MIOS: variants seen among roughly 807,000 people sequenced by gnomAD.
The protein encoded by MIOS is GATOR2 complex protein MIOS.
A neutral mutation model predicts 96.9 loss-of-function variants in MIOS; 52 were observed. That is an observed-to-expected ratio of 0.54 (90% CI 0.43 to 0.68). The LOEUF is 0.68. Ranked by LOEUF, MIOS falls within the 30% of genes least tolerant of loss-of-function variation. The probability of loss-of-function intolerance (pLI) is 0.00; values close to 1 mark genes in which losing one functional copy is unlikely to be tolerated. For synonymous variants in MIOS, 397 were observed against 359.5 expected, an observed-to-expected ratio of 1.10 and a Z score of -1.18; for missense variants, 1,005 against 1,052.8, an observed-to-expected ratio of 0.95 and a Z score of 0.63.
chr7:7,593,878 C>CAAA (rs1784119455), intron 9 of MIOS, among the ~76,000 whole-genome samples: 1 of 71,968 alleles, frequency 1.4e-5, no homozygotes, highest in Non-Finnish European at 2.5e-5. Flanking sequence ...GACTCTGTCT[C>CAAA]CAAAAAAAAA....
At chr7:7,582,727 A>T (rs546235132) in intron 5 of MIOS, 12 of 516,244 alleles carry the variant, frequency 2.3e-5, no homozygotes, top group South Asian at 1.6e-4. Flanking sequence ...TTTGGAGCTT[A>T]TGCGCTACTG....
At chr7:7,606,096 T>G in intron 12 of MIOS, 25 bp downstream of exon 12, 1 of 1,612,748 alleles carries the variant, frequency 6.2e-7, no homozygotes, top group Non-Finnish European at 8.5e-7. Context: ...TCTTCTTTGA[T>G]AGGCTTGGAG....
chr7:7,574,064 A>C (rs1409189893), intron 4 of MIOS, 34 bp from the exon 5 acceptor site: 1 of 1,431,806 alleles, frequency 7.0e-7, no homozygotes, highest in Admixed American at 1.9e-5. Flanking sequence ...ATATATTGTC[A>C]TGCATCACTA....
rs760160755 is a variant in MIOS at position 7,573,486 on chromosome 7, A to G, written c.1011A>G (p.Arg337=). 1.2e-5 allele frequency: 19 copies of G among 1,614,148 alleles called. No homozygotes were observed. The Admixed American group carries it at 3.0e-4, about 25-fold the overall frequency. The change falls in exon 4 of 13, where the codon CGA becomes CGG. Residue 337 remains arginine (R), a synonymous_variant. Coordinates refer to ENST00000340080, the MANE Select transcript of MIOS (RefSeq NM_019005.4). The surrounding 1 kb of genome is among the most constrained non-coding windows in gnomAD (Gnocchi z 5.0). ...CGTGGCATCCAACAAGTCAAAATCG[A>G]ATGATAGTTGTAACTCCCAACCGAA... The part of the protein sequence containing the change: ...SFAWHPTSQN[R]MIVVTPNRTM...
At chr7:7,582,776 G>T (rs1000739877) in intron 5 of MIOS, 16 of 278,434 alleles carry the variant, frequency 5.7e-5, no homozygotes, top group Non-Finnish European at 8.4e-5. Context: ...TAATAAATGG[G>T]AGCACATATT....
In MIOS at chr7:7,607,723, A is replaced by G. The variant is rs192212462; in HGVS notation, c.*631A>G. 2.6e-5 allele frequency: 4 copies of G among 152,200 alleles called. No individual in the cohort carries two copies. The highest frequency in any genetic ancestry group is 2.1e-4 in the South Asian group (1 of 4,830). The allele number at this position is 152,200 out of a possible 1,614,324, so 9.4% of individuals were successfully genotyped here. ...CCCTCCTTTGATTTTAAGATAAGCA[A>G]TCTTTTGGCATAACATTATCGTCTT... is the stretch of plus-strand genomic sequence containing the variant. On this transcript the variant is annotated 3_prime_UTR_variant, in exon 13 of 13. Coordinates refer to ENST00000340080, the MANE Select transcript of MIOS (RefSeq NM_019005.4).
chr7:7,604,204 TTAATA>T (rs1460722709), intron 11 of MIOS, among the ~76,000 whole-genome samples: 1 of 151,994 alleles, frequency 6.6e-6, no homozygotes, highest in Non-Finnish European at 1.5e-5. Flanking sequence ...CCCTAAAACT[TTAATA>T]ATAATAAAAT....
At chr7:7,574,845 T>TG (rs1229355618) in intron 5 of MIOS, among the ~76,000 whole-genome samples, 1 of 152,020 alleles carries the variant, frequency 6.6e-6, no homozygotes, top group Admixed American at 6.6e-5. Context: ...AATTGAATAA[T>TG]GGGTTATATT....
At chr7:7,581,496 C>T (rs946072792) in intron 5 of MIOS, among the ~76,000 whole-genome samples, 4 of 152,250 alleles carry the variant, frequency 2.6e-5, no homozygotes, top group Middle Eastern at 3.4e-3. Flanking sequence ...AGTCTGGGCA[C>T]ACCTTAGCTG....
chr7:7,571,241 CT>C (rs1783342069), intron 3 of MIOS, among the ~76,000 whole-genome samples: 1 of 152,202 alleles, frequency 6.6e-6, no homozygotes, highest in Non-Finnish European at 1.5e-5. Flanking sequence ...TGTAGGCAAC[CT>C]TAATTATTGA....
intron 9 of MIOS, among the ~76,000 whole-genome samples, chr7:7,592,811 A>G (rs956672380): frequency 4.6e-5 from 7 of 152,248 alleles, no homozygotes; most frequent in Admixed American, 2.6e-4. Flanking sequence ...ATACAGATGA[A>G]GCTTTGCTTA....
At chr7:7,577,120 G>A (rs914936032) in intron 5 of MIOS, among the ~76,000 whole-genome samples, 1 of 152,178 alleles carries the variant, frequency 6.6e-6, no homozygotes, top group Non-Finnish European at 1.5e-5. Flanking sequence ...ATTGTTTGGA[G>A]TAAGAAAGAG....
intron 11 of MIOS, among the ~76,000 whole-genome samples, chr7:7,601,823 A>G (rs1161607621): frequency 6.6e-6 from 1 of 152,260 alleles, no homozygotes; most frequent in Non-Finnish European, 1.5e-5. Context: ...AAAATCCTCA[A>G]TAAAATACTG....
In MIOS at chr7:7,586,150, ATGCACGTGTGTGTGTGTGTG is replaced by A. The variant is rs1454838734; in HGVS notation, c.1818+348_1818+367del. Reference sequence around the variant, plus strand: ...TATTCGCTGTTTACACTGTGCACACATGCACGTGTGTGTGTGTGTGTGTGTGTGTGTGTGTGTGTGTGTGT... The same window carrying A: ...TATTCGCTGTTTACACTGTGCACACATGTGTGTGTGTGTGTGTGTGTGTGT... On this transcript the variant is annotated intron_variant, in intron 7 of 12. Coordinates refer to ENST00000340080, the MANE Select transcript of MIOS (RefSeq NM_019005.4). 2.8e-3 allele frequency among the ~76,000 whole-genome samples: 352 copies of A among 126,858 alleles called. 2 individuals carry two copies. Among genetic ancestry groups the A allele is most frequent in the African/African-American group, 0.01 (332 of 31,950 alleles). The allele number at this position is 126,858 out of a possible 152,430, so 83.2% of individuals were successfully genotyped here. A position where few individuals can be genotyped will look rare whatever the true frequency, so the allele number is the denominator to read the frequency against.
chr7:7,597,500 ATATATATATATATATAT>A (rs1784245776), intron 11 of MIOS, among the ~76,000 whole-genome samples: 3 of 71,698 alleles, frequency 4.2e-5, no homozygotes, highest in African/African-American at 1.6e-4. Context: ...ATATATATAT[ATATATATATATATATAT>A]GAAGGCAATA....
intron 5 of MIOS, among the ~76,000 whole-genome samples, chr7:7,577,394 G>A (rs1442398220): frequency 2.0e-5 from 3 of 152,158 alleles, no homozygotes; most frequent in Non-Finnish European, 2.9e-5. Flanking sequence ...AGGAAATGAA[G>A]TAATCAATTA....
intron 9 of MIOS, among the ~76,000 whole-genome samples, chr7:7,590,091 T>C (rs893501022): frequency 6.6e-6 from 1 of 152,190 alleles, no homozygotes; most frequent in African/African-American, 2.4e-5. Flanking sequence ...CTGGAAATAA[T>C]GGTAAAATTT....
At chr7:7,594,311 CT>C (rs35612249) in intron 9 of MIOS, among the ~76,000 whole-genome samples, 89,135 of 147,854 alleles carry the variant, frequency 0.6, 27,922 homozygotes, top group Admixed American at 0.72. Context: ...TGCATTTGGA[CT>C]TTTTTTTTTT....
chr7:7,573,445 T>TA lies in MIOS; in HGVS notation c.971dup (p.Tyr324Ter). 1 of 1,614,158 alleles carries TA rather than the reference T, an allele frequency of 6.2e-7. No homozygotes were observed. The highest frequency in any genetic ancestry group is 8.5e-7 in the Non-Finnish European group (1 of 1,179,966). Residue 324 changes from tyrosine (Y) to a stop codon, truncating the protein, a stop_gained and frameshift_variant, in exon 4 of 13, where the codon TAC becomes TAAC. Coordinates refer to ENST00000340080, the MANE Select transcript of MIOS (RefSeq NM_019005.4). LOFTEE classifies it high-confidence loss of function. This position sits in a 1 kb window ranked among gnomAD's most constrained non-coding sequence, Gnocchi z 5.0. Reference sequence around the variant, plus strand: ...AAGAAGTGTGCAACCTTGTGACAATTACATTGCTTCCTTTGCGTGGCATCC... The same window carrying TA: ...AAGAAGTGTGCAACCTTGTGACAATTAACATTGCTTCCTTTGCGTGGCATCC... ...IERSVQPCDN[Y>*]IASFAWHPTS... is the part of the protein sequence containing the mutation.
Sources: allele counts gnomAD v4.1 joint callset (sites outside exome capture counted in the v4.1 genomes callset), GRCh38; gene constraint gnomAD v4.1.1; non-coding constraint Gnocchi (gnomAD v3.1); transcripts MANE v1.5; gene names NCBI Gene and HGNC (gene_info 2026-07-23, HGNC 2026-07-21).